NIBAN3: variants seen among roughly 807,000 people sequenced by gnomAD.
NIBAN3 encodes the protein niban apoptosis regulator 3, also known as protein Niban 3.
A neutral mutation model predicts 76.4 loss-of-function variants in NIBAN3; 66 were observed. The ratio of observed to expected loss-of-function variants is 0.86; its 90% CI spans 0.71 to 1.06. The LOEUF (loss-of-function observed/expected upper bound fraction) is 1.06. NIBAN3 is among the 50% of genes least tolerant of loss of function. The pLI, the probability that NIBAN3 is intolerant of heterozygous loss-of-function variation, is 0.00. For missense variants in NIBAN3, 808 were observed against 810.7 expected (o/e 1.00, Z 0.04); for synonymous variants, 360 against 355.2 (o/e 1.01, Z -0.15).
chr19:17,553,172 C>A lies in NIBAN3; in HGVS notation c.*1274C>A. On this transcript the variant is annotated 3_prime_UTR_variant, in exon 15 of 15. Coordinates refer to ENST00000599164, the MANE Select transcript of NIBAN3 (RefSeq NM_001321827.2). ...ATTGCCTGTTCATAGCTTTTTTCTA[C>A]TTTTCAGGAGTGTTTGCATTTTTCT... 2 of 1,238,138 alleles carry A rather than the reference C, an allele frequency of 1.6e-6. No individual in the cohort carries two copies. The highest frequency in any genetic ancestry group is 1.5e-5 in the African/African-American group (1 of 65,738). The allele number at this position is 1,238,138 out of a possible 1,614,324, so 76.7% of individuals were successfully genotyped here. A position where few individuals can be genotyped will look rare whatever the true frequency, so the allele number is the denominator to read the frequency against.
In NIBAN3 at chr19:17,533,011, G is replaced by A. The variant is rs8105234; in HGVS notation, c.313-576G>A. 6.6e-3 allele frequency among the ~76,000 whole-genome samples: 1,006 copies of A among 152,192 alleles called. 12 individuals are homozygous for A. The highest frequency in any genetic ancestry group is 0.023 in the African/African-American group (959 of 41,542). On this transcript the variant is annotated intron_variant, in intron 3 of 14. Coordinates refer to ENST00000599164, the MANE Select transcript of NIBAN3 (RefSeq NM_001321827.2). ...GGGAGAGCCGGGCCTCGTGGCTCACGCCTATAATCCCAGCCCTTTGGGAGG... is the reference window on the plus strand; with the variant it reads ...GGGAGAGCCGGGCCTCGTGGCTCACACCTATAATCCCAGCCCTTTGGGAGG...
At chr19:17,534,804 A>AG (rs34367317) in intron 4 of NIBAN3, among the ~76,000 whole-genome samples, 75,423 of 147,678 alleles carry the variant, frequency 0.51, 21,645 homozygotes, top group Middle Eastern at 0.7. Flanking sequence ...AAAAAAAAAA[A>AG]AAAGAAAAGA....
In NIBAN3 at chr19:17,542,236, C is replaced by T. The variant is rs765155411; in HGVS notation, c.1271C>T (p.Pro424Leu). The change falls in exon 10 of 15, where the codon CCG becomes CTG. Residue 424 changes from proline (P) to leucine (L), a missense_variant. Physicochemically the swap from Pro to Leu is moderately conservative, Grantham distance 98. Transcript: ENST00000599164. The surrounding 1 kb of genome is among the most constrained non-coding windows in gnomAD (Gnocchi z 4.8). ...SRGRLGQLAA[P>L]FGFLGMQSLV... Reference sequence around the variant, plus strand: ...GGGCGCTTGGGGCAGCTGGCAGCACCGTTTGGCTTTCTGGGGATGCAGAGC... The same window carrying T: ...GGGCGCTTGGGGCAGCTGGCAGCACTGTTTGGCTTTCTGGGGATGCAGAGC... The T allele has an allele frequency of 8.1e-6, 13 of 1,608,966 alleles. No homozygotes were observed. Among genetic ancestry groups the T allele is most frequent in the African/African-American group, 2.7e-5 (2 of 74,888 alleles).
intron 12 of NIBAN3, 60 bp from the exon 13 acceptor site, chr19:17,546,626 T>C (rs972697080): frequency 7.0e-7 from 1 of 1,438,804 alleles, no homozygotes; most frequent in East Asian, 2.7e-5. Flanking sequence ...GAAGCCTGTG[T>C]TGTAGGCCTC....
In NIBAN3 at chr19:17,532,461, G is replaced by A. The variant is rs549100925; in HGVS notation, c.312+73G>A. The A allele has an allele frequency of 3.1e-6, 5 of 1,607,660 alleles. No individual in the cohort carries two copies. The East Asian group carries it at 8.9e-5, about 29-fold the overall frequency. Reference sequence around the variant, plus strand: ...ACCCCCGTCAGCCTCAAGGTTTGTGGGATCCATATCTCAGCATAGCCCCAC... The same window carrying A: ...ACCCCCGTCAGCCTCAAGGTTTGTGAGATCCATATCTCAGCATAGCCCCAC... On this transcript the variant is annotated intron_variant, in intron 3 of 14. Coordinates refer to ENST00000599164, the MANE Select transcript of NIBAN3 (RefSeq NM_001321827.2).
In NIBAN3 at chr19:17,527,520, T is replaced by C; in HGVS notation, c.55+125T>C. ...CCTAGGGCTGTCAAAACACACAGGATGCCTTCTTAATGTAAATTTCACGCA... is the reference window on the plus strand; with the variant it reads ...CCTAGGGCTGTCAAAACACACAGGACGCCTTCTTAATGTAAATTTCACGCA... On this transcript the variant is annotated intron_variant, in intron 1 of 14. Transcript: ENST00000599164. 5 of 982,792 alleles carry C rather than the reference T, an allele frequency of 5.1e-6. No individual in the cohort carries two copies. The East Asian group carries it at 1.5e-4, about 29-fold the overall frequency. 60.9% of individuals were successfully genotyped at this position (982,792 alleles called of 1,614,324 possible). A position where few individuals can be genotyped will look rare whatever the true frequency, so the allele number is the denominator to read the frequency against.
chr19:17,552,057 T>G lies in NIBAN3; in HGVS notation c.*159T>G. 2.3e-6 allele frequency: 1 copy of G among 432,728 alleles called. No homozygotes were observed. Among genetic ancestry groups the G allele is most frequent in the Non-Finnish European group, 4.1e-6 (1 of 242,068 alleles). 26.8% of individuals were successfully genotyped at this position (432,728 alleles called of 1,614,324 possible). A position where few individuals can be genotyped will look rare whatever the true frequency, so the allele number is the denominator to read the frequency against. On this transcript the variant is annotated 3_prime_UTR_variant, in exon 15 of 15. Coordinates refer to ENST00000599164, the MANE Select transcript of NIBAN3 (RefSeq NM_001321827.2). ...AGCAGCAGCATTTATTTGTGTATTT[T>G]CCCCAAGGCTTTCTTTATTTTAATT...
upstream of NIBAN3, among the ~76,000 whole-genome samples, chr19:17,526,991 T>A (rs2075616411): frequency 2.0e-5 from 3 of 151,984 alleles, no homozygotes; most frequent in South Asian, 6.2e-4. Context: ...AGATGCCGCA[T>A]CCCTGCCCAT....
rs146682645 is a variant in NIBAN3 at position 17,546,321 on chromosome 19, C to A, written c.1555-365C>A. ...GTTATACTGGAACAGCTCATGTCCT[C>A]GGTCTCTTGCCTCAGCACCTGGGTG... On this transcript the variant is annotated intron_variant, in intron 12 of 14. Transcript: ENST00000599164. 1.7e-4 allele frequency: 27 copies of A among 159,040 alleles called. No homozygotes were observed. In the East Asian group the frequency reaches 5.0e-3, roughly 29 times the overall value. 9.9% of individuals were successfully genotyped at this position (159,040 alleles called of 1,614,324 possible).
At chr19:17,553,651 T>C, downstream of NIBAN3, 1 of 1,143,264 alleles carries the variant, frequency 8.7e-7, no homozygotes, top group South Asian at 1.3e-5. Flanking sequence ...TAGGCTTCTT[T>C]AGCTGTCTTC....
At position 17,553,377 on chromosome 19, in the gene NIBAN3, C is replaced by T. The variant is rs954416049; in HGVS notation, c.*1479C>T. 3 of 1,614,196 alleles carry T rather than the reference C, an allele frequency of 1.9e-6. No homozygotes were observed. Among genetic ancestry groups the T allele is most frequent in the Non-Finnish European group, 2.5e-6 (3 of 1,180,054 alleles). ...GACAAGCTTTTACCGACTTCCTCTG[C>T]TTGCCAGCAAAGTCATCTGCTAACT... On this transcript the variant is annotated 3_prime_UTR_variant, in exon 15 of 15. Coordinates refer to ENST00000599164, the MANE Select transcript of NIBAN3 (RefSeq NM_001321827.2).
chr19:17,524,215 C>T (rs1279180896), upstream of NIBAN3, among the ~76,000 whole-genome samples: 1 of 150,936 alleles, frequency 6.6e-6, no homozygotes, highest in African/African-American at 2.4e-5. Context: ...ATCTCCGTGA[C>T]CCCTCCATGC....
chr19:17,547,643 G>A (rs1198469609), intron 13 of NIBAN3, among the ~76,000 whole-genome samples: 1 of 132,974 alleles, frequency 7.5e-6, no homozygotes, highest in Non-Finnish European at 1.6e-5. Flanking sequence ...GTGAGCCACC[G>A]CACCCGGCCA....
At chr19:17,554,190 A>G (rs1045976236), downstream of NIBAN3, among the ~76,000 whole-genome samples, 4 of 151,846 alleles carry the variant, frequency 2.6e-5, no homozygotes, top group African/African-American at 9.7e-5. Context: ...ATTCTTAAAA[A>G]TTAAGTTTTA....
At position 17,539,265 on chromosome 19, in the gene NIBAN3, G is replaced by A. The variant is rs779357711; in HGVS notation, c.711G>A (p.Glu237=). Residue 237 remains glutamate (E), a splice_region_variant and synonymous_variant, in exon 6 of 15, where the codon GAG becomes GAA. Transcript: ENST00000599164. ...DDDVTLGSDA[E]VLTAVLMREQ... The stretch of plus-strand genomic sequence containing the variant: ...ACGTGACCCTAGGCTCAGACGCCGA[G>A]GTTAGTGCCCCGCGAGGCCGCACCC... 13 of 1,597,568 alleles carry A rather than the reference G, an allele frequency of 8.1e-6. No individual in the cohort carries two copies. The East Asian group carries it at 3.0e-4, about 36-fold the overall frequency.
At position 17,539,253 on chromosome 19, in the gene NIBAN3, C is replaced by G; in HGVS notation, c.699C>G (p.Gly233=). ...GHFGDDDVTL[G]SDAEVLTAVL... The stretch of plus-strand genomic sequence containing the variant: ...TTGGCGACGACGACGTGACCCTAGG[C>G]TCAGACGCCGAGGTTAGTGCCCCGC... Residue 233 remains glycine, a synonymous_variant, in exon 6 of 15, where the codon GGC becomes GGG. Coordinates refer to ENST00000599164, the MANE Select transcript of NIBAN3 (RefSeq NM_001321827.2). The G allele has an allele frequency of 6.2e-7, 1 of 1,603,854 alleles. No individual in the cohort carries two copies. Among genetic ancestry groups the G allele is most frequent in the Non-Finnish European group, 8.5e-7 (1 of 1,175,582 alleles).
chr19:17,530,740 C>G lies in NIBAN3; in HGVS notation c.56-15C>G, dbSNP rs1200295809. ...GATTCAATTTGCTGGGTTCACTGTC[C>G]CCTTGTCCCTGCAGGTCAGGTGGAC... On this transcript the variant is annotated splice_polypyrimidine_tract_variant and intron_variant, in intron 1 of 14. Coordinates refer to ENST00000599164, the MANE Select transcript of NIBAN3 (RefSeq NM_001321827.2). 1 of 1,599,288 alleles carries G rather than the reference C, an allele frequency of 6.3e-7. No homozygotes were observed. The highest frequency in any genetic ancestry group is 1.7e-5 in the Admixed American group (1 of 59,006).
upstream of NIBAN3, among the ~76,000 whole-genome samples, chr19:17,524,322 G>A (rs1012277494): frequency 1.3e-5 from 2 of 151,644 alleles, no homozygotes; most frequent in African/African-American, 2.4e-5. Flanking sequence ...GTCTCGCCCT[G>A]TTGCTCAGGC....
chr19:17,543,222 C>T, intron 10 of NIBAN3, 95 bp from the exon 11 acceptor site: 1 of 771,918 alleles, frequency 1.3e-6, no homozygotes, highest in South Asian at 1.8e-5. Context: ...CTGGTTGGAA[C>T]AGGTTGGATG....
Sources: gnomAD v4.1 joint callset for allele counts (sites outside exome capture counted in the v4.1 genomes callset) on GRCh38, gnomAD v4.1.1 for gene constraint, Gnocchi (gnomAD v3.1) non-coding constraint, MANE v1.5 for transcripts, NCBI Gene and HGNC (gene_info 2026-07-23, HGNC 2026-07-21) for gene names.